The following CFTR variants were observed in gnomAD, a reference collection of about 807,000 sequenced individuals.
The protein encoded by CFTR is cystic fibrosis transmembrane conductance regulator.
CFTR carries 181 observed loss-of-function variants against 171.6 expected under a neutral mutation model. The observed-to-expected ratio is 1.05, with a 90% CI of 0.93 to 1.19. The LOEUF (loss-of-function observed/expected upper bound fraction) is 1.19, where lower values mean the gene tolerates loss of function less well. CFTR is among the 50% of genes most tolerant of loss of function. The pLI is 0.00. For synonymous variants in CFTR, 583 were observed against 608.0 expected (o/e 0.96, Z 0.60); for missense variants, 1,968 against 1,734.7 (o/e 1.13, Z -2.39).
chr7:117,490,579 T>C (rs1798145765), intron 1 of CFTR, among the ~76,000 whole-genome samples: 1 of 152,000 alleles, frequency 6.6e-6, no homozygotes, highest in Non-Finnish European at 1.5e-5. Context: ...GGCAATCTGC[T>C]TTAACCAAAG....
At chr7:117,616,753 AAT>A (rs1792498341) in intron 21 of CFTR, among the ~76,000 whole-genome samples, 1 of 152,132 alleles carries the variant, frequency 6.6e-6, no homozygotes, top group South Asian at 2.1e-4. Flanking sequence ...GTCTATGAAA[AAT>A]ATCAATATTT....
At chr7:117,618,417 G>A (rs1792526159) in intron 21 of CFTR, among the ~76,000 whole-genome samples, 1 of 151,802 alleles carries the variant, frequency 6.6e-6, no homozygotes, top group Non-Finnish European at 1.5e-5. Context: ...GGAGGTGGAG[G>A]TTTCAGTGAG....
rs532300886 is a variant in CFTR at position 117,584,430 on chromosome 7, TC to T, written c.1585-3307del. ...CCAGCACCATTTATTAGATAGGGTA[TC>T]CTGTCCCCACTTTATGTTTTTGTAT... On this transcript the variant is annotated intron_variant, in intron 11 of 26. Transcript: ENST00000003084. 9.8e-4 allele frequency among the ~76,000 whole-genome samples: 149 copies of T among 152,310 alleles called. 1 individual carries two copies. Among genetic ancestry groups the T allele is most frequent in the Middle Eastern group, 3.4e-3 (1 of 294 alleles).
chr7:117,495,920 T>C (rs1004067004), intron 1 of CFTR, among the ~76,000 whole-genome samples: 1 of 152,176 alleles, frequency 6.6e-6, no homozygotes, highest in Non-Finnish European at 1.5e-5. Flanking sequence ...AAGCATACAA[T>C]CCAATGATTT....
intron 10 of CFTR, among the ~76,000 whole-genome samples, chr7:117,553,193 C>T (rs371674087): frequency 6.6e-6 from 1 of 151,608 alleles, no homozygotes; most frequent in Non-Finnish European, 1.5e-5. Flanking sequence ...CCACACAGTT[C>T]ATGGTATTTT....
At chr7:117,623,608 A>G (rs1326272661) in intron 21 of CFTR, among the ~76,000 whole-genome samples, 1 of 152,224 alleles carries the variant, frequency 6.6e-6, no homozygotes, top group Non-Finnish European at 1.5e-5. Context: ...TGTAACTTCC[A>G]TCTCATCCAA....
At position 117,611,762 on chromosome 7, in the gene CFTR, TG is replaced by T. The variant is rs2116085331; in HGVS notation, c.3322del (p.Val1108SerfsTer13). 6.2e-7 allele frequency: 1 copy of T among 1,613,446 alleles called. No homozygotes were observed. The highest frequency in any genetic ancestry group is 8.5e-7 in the Non-Finnish European group (1 of 1,179,684). ...WFQMRIEMIF[V>X]IFFIAVTFIS... ...TCCAAATGAGAATAGAAATGATTTT[TG>T]TCATCTTCTTCATTGCTGTTACCTT... On this transcript the variant is annotated frameshift_variant, in exon 20 of 27. Coordinates refer to ENST00000003084, the MANE Select transcript of CFTR (RefSeq NM_000492.4). LOFTEE classifies it high-confidence loss of function.
intron 10 of CFTR, among the ~76,000 whole-genome samples, chr7:117,551,058 C>T (rs765681044): frequency 1.2e-4 from 18 of 152,186 alleles, no homozygotes; most frequent in Non-Finnish European, 2.2e-4. Context: ...TAAAAGATAA[C>T]CTAATAGTTC....
intron 3 of CFTR, among the ~76,000 whole-genome samples, chr7:117,518,977 T>C (rs1798643627): frequency 1.3e-5 from 2 of 152,136 alleles, no homozygotes; most frequent in Admixed American, 6.6e-5. Flanking sequence ...CTATTATTGC[T>C]GCTATTTCAG....
At chr7:117,560,899 A>G (rs888287081) in intron 11 of CFTR, 1 of 152,114 alleles carries the variant, frequency 6.6e-6, no homozygotes, top group Non-Finnish European at 1.5e-5. Context: ...GTAGTGCCTT[A>G]CAAGATAAAT....
intron 17 of CFTR, among the ~76,000 whole-genome samples, chr7:117,605,492 T>C (rs191781202): frequency 1.3e-5 from 2 of 152,294 alleles, no homozygotes; most frequent in Admixed American, 1.3e-4. Context: ...TTATGATATG[T>C]TTATAAGTTC....
In CFTR at chr7:117,566,248, A is replaced by AACACACACACACAC. The variant is rs71314621; in HGVS notation, c.1584+6618_1584+6631dup. On this transcript the variant is annotated intron_variant, in intron 11 of 26. Coordinates refer to ENST00000003084, the MANE Select transcript of CFTR (RefSeq NM_000492.4). ...CAGGAGTTCAAGACCAGCCTACTAA[A>AACACACACACACAC]ACACACACACACACACACACACACA... Among the ~76,000 whole-genome samples the AACACACACACACAC allele has an allele frequency of 1.8e-3, 250 of 138,884 alleles. 1 individual carries two copies. Among genetic ancestry groups the AACACACACACACAC allele is most frequent in the South Asian group, 7.3e-3 (30 of 4,134 alleles). The allele number at this position is 138,884 out of a possible 152,430, so 91.1% of individuals were successfully genotyped here. A position where few individuals can be genotyped will look rare whatever the true frequency, so the allele number is the denominator to read the frequency against.
intron 10 of CFTR, among the ~76,000 whole-genome samples, chr7:117,557,617 C>G (rs965918987): frequency 7.9e-5 from 12 of 151,946 alleles, no homozygotes; most frequent in Non-Finnish European, 1.3e-4. Context: ...TTATAAAGAG[C>G]CTTTTCTTTT....
In CFTR at chr7:117,505,819, CT is replaced by C. The variant is rs199546193; in HGVS notation, c.164+1463del. Among the ~76,000 whole-genome samples, 547 of 152,128 alleles carry C rather than the reference CT, an allele frequency of 3.6e-3. 5 individuals carry two copies. The highest frequency in any genetic ancestry group is 5.0e-3 in the Non-Finnish European group (340 of 67,998). ...TGTTTCTTTTAATTAAATTCATTTC[CT>C]TTTTTTGGCATTTTGAAGGCAAAGT... is the stretch of plus-strand genomic sequence containing the variant. On this transcript the variant is annotated intron_variant, in intron 2 of 26. Transcript: ENST00000003084.
In CFTR at chr7:117,576,427, G is replaced by T. The variant is rs80054308; in HGVS notation, c.1585-11312G>T. The stretch of plus-strand genomic sequence containing the variant: ...AGAGATGATTTAAAGTATACAGGAA[G>T]ATGTGCATATGTTACATGCAAATAC... On this transcript the variant is annotated intron_variant, in intron 11 of 26. Coordinates refer to ENST00000003084, the MANE Select transcript of CFTR (RefSeq NM_000492.4). 1.8e-3 allele frequency among the ~76,000 whole-genome samples: 273 copies of T among 152,198 alleles called. 6 individuals carry two copies. The East Asian group carries it at 0.05, about 28-fold the overall frequency.
Position 117,592,422 on chromosome 7 carries a change from T to G in CFTR, c.2255T>G (p.Ile752Ser), listed in dbSNP as rs766541549. The G allele has an allele frequency of 1.1e-5, 18 of 1,612,376 alleles. No homozygotes were observed. The highest frequency in any genetic ancestry group is 1.5e-5 in the Non-Finnish European group (18 of 1,179,126). ...SEQGEAILPR[I>S]SVISTGPTLQ... Reference sequence around the variant, plus strand: ...CAGGGAGAGGCGATACTGCCTCGCATCAGCGTGATCAGCACTGGCCCCACG... The same window carrying G: ...CAGGGAGAGGCGATACTGCCTCGCAGCAGCGTGATCAGCACTGGCCCCACG... The change falls in exon 14 of 27, where the codon ATC becomes AGC. Residue 752 changes from isoleucine to serine, a missense_variant. By Grantham distance (142) the Ile-to-Ser change is moderately radical. Coordinates refer to ENST00000003084, the MANE Select transcript of CFTR (RefSeq NM_000492.4).
intron 10 of CFTR, among the ~76,000 whole-genome samples, chr7:117,549,124 A>G (rs1178540161): frequency 1.3e-5 from 2 of 152,222 alleles, no homozygotes; most frequent in African/African-American, 4.8e-5. Flanking sequence ...CAAATCATCC[A>G]TTTTATCCAT....
chr7:117,667,658 T>C lies in CFTR; in HGVS notation c.*550T>C, dbSNP rs1453832666. 5.2e-6 allele frequency: 1 copy of C among 192,116 alleles called. No homozygotes were observed. The highest frequency in any genetic ancestry group is 1.1e-5 in the Non-Finnish European group (1 of 91,664). 11.9% of individuals were successfully genotyped at this position (192,116 alleles called of 1,614,324 possible). On this transcript the variant is annotated 3_prime_UTR_variant, in exon 27 of 27. Transcript: ENST00000003084. ...AACTATCTCATTTCCAAGCAAGTAT[T>C]AGAATACCACAGGAACCACAAGACT...
chr7:117,666,926 G>A lies in CFTR; in HGVS notation c.4261G>A (p.Val1421Met), dbSNP rs578237673. ...TCCCTAGGTCATAGAAGAGAACAAA[G>A]TGCGGCAGTACGATTCCATCCAGAA... ...QQFLVIEENK[V>M]RQYDSIQKLL... Residue 1421 changes from valine to methionine, a missense_variant, in exon 27 of 27, where the codon GTG (valine) becomes ATG (methionine). Coordinates refer to ENST00000003084, the MANE Select transcript of CFTR (RefSeq NM_000492.4). 2 of 1,614,042 alleles carry A rather than the reference G, an allele frequency of 1.2e-6. No individual in the cohort carries two copies. The highest frequency in any genetic ancestry group is 1.7e-4 in the Middle Eastern group (1 of 6,058).
Sources: gnomAD v4.1 joint callset for allele counts (sites outside exome capture counted in the v4.1 genomes callset) on GRCh38, gnomAD v4.1.1 for gene constraint, MANE v1.5 for transcripts, NCBI Gene and HGNC (gene_info 2026-07-23, HGNC 2026-07-21) for gene names.